The following PAX5 variants were observed in gnomAD, a reference collection of about 807,000 sequenced individuals.
PAX5 encodes paired box 5, also known as paired box protein Pax-5.
PAX5 carries 9 observed loss-of-function variants against 43.7 expected under a neutral mutation model. The observed-to-expected ratio is 0.21, with a 90% CI of 0.12 to 0.36. The LOEUF (loss-of-function observed/expected upper bound fraction) is 0.36, where lower values mean the gene tolerates loss of function less well. Among genes scored for constraint, PAX5 ranks in the 10% least tolerant of loss-of-function variants. The pLI is 1.00. For missense variants in PAX5, 383 were observed against 532.7 expected (o/e 0.72, Z 2.77); for synonymous variants, 228 against 214.3 (o/e 1.06, Z -0.56).
Position 36,891,109 on chromosome 9 carries a change from G to A in PAX5, c.911-9004C>T, listed in dbSNP as rs529616345. ...AGCCGAGATTGCGCCACTGCACTCC[G>A]GCCTGGGCGACAGAGCGCAACTTCA... On this transcript the variant is annotated intron_variant, in intron 7 of 9. Coordinates refer to ENST00000358127, the MANE Select transcript of PAX5 (RefSeq NM_016734.3). Among the ~76,000 whole-genome samples, 122 of 152,232 alleles carry A rather than the reference G, an allele frequency of 8.0e-4. 1 individual carries two copies. The highest frequency in any genetic ancestry group is 1.6e-4 in the Non-Finnish European group (11 of 68,016).
At chr9:36,933,990 A>G (rs976037343) in intron 6 of PAX5, among the ~76,000 whole-genome samples, 1 of 152,094 alleles carries the variant, frequency 6.6e-6, no homozygotes, top group East Asian at 1.9e-4. Context: ...GTTCTCCTTG[A>G]TATGGCCCCA....
intron 8 of PAX5, among the ~76,000 whole-genome samples, chr9:36,847,438 C>T (rs1322911702): frequency 6.6e-6 from 1 of 152,190 alleles, no homozygotes; most frequent in Non-Finnish European, 1.5e-5. Context: ...CCTAGCCTGG[C>T]CCTCTGTGCT....
Position 36,982,961 on chromosome 9 carries a change from T to C in PAX5, c.605-16237A>G, listed in dbSNP as rs75135985. 6.0e-4 allele frequency among the ~76,000 whole-genome samples: 92 copies of C among 152,216 alleles called. No individual in the cohort carries two copies. The East Asian group carries it at 0.017, about 28-fold the overall frequency. On this transcript the variant is annotated intron_variant, in intron 5 of 9. Transcript: ENST00000358127. The stretch of plus-strand genomic sequence containing the variant: ...GGAAATCTATGAATTATTACTAATA[T>C]TGTTATGGGGGAGGAAGTATGGCAT...
At chr9:37,002,118 A>G (rs7020413) in intron 5 of PAX5, among the ~76,000 whole-genome samples, 43,187 of 151,368 alleles carry the variant, frequency 0.29, 6,306 homozygotes, top group Admixed American at 0.34. Context: ...ATGATTATTA[A>G]TTTCCTCAGC....
intron 7 of PAX5, among the ~76,000 whole-genome samples, chr9:36,887,498 A>G (rs1394236339): frequency 6.6e-6 from 1 of 152,226 alleles, no homozygotes; most frequent in Admixed American, 6.5e-5. Context: ...TAAACTACAA[A>G]TAGAACTGAG....
chr9:36,852,494 A>C (rs919410096), intron 8 of PAX5, among the ~76,000 whole-genome samples: 6 of 152,260 alleles, frequency 3.9e-5, no homozygotes, highest in Admixed American at 3.9e-4. Context: ...CCTTCGGAGG[A>C]AAAAAATGAC....
intron 7 of PAX5, among the ~76,000 whole-genome samples, chr9:36,921,492 C>T (rs1345676860): frequency 6.6e-6 from 1 of 152,234 alleles, no homozygotes; most frequent in Non-Finnish European, 1.5e-5. Context: ...TGGCATTCAA[C>T]TGCAACTCCA....
intron 7 of PAX5, among the ~76,000 whole-genome samples, chr9:36,905,731 C>T (rs192105805): frequency 6.6e-6 from 1 of 152,302 alleles, no homozygotes; most frequent in East Asian, 1.9e-4. Flanking sequence ...AAAAGACCCA[C>T]TCTGCAAGGA....
chr9:36,933,804 G>A (rs889618171), intron 6 of PAX5, among the ~76,000 whole-genome samples: 3 of 152,220 alleles, frequency 2.0e-5, no homozygotes, highest in African/African-American at 7.2e-5. Flanking sequence ...GGGGTGGCAA[G>A]GGACCTGGAG....
intron 8 of PAX5, chr9:36,861,501 A>G (rs1378698563): frequency 6.6e-6 from 1 of 150,826 alleles, no homozygotes; most frequent in Non-Finnish European, 1.5e-5. Flanking sequence ...AGACAGAATA[A>G]GAAATATTGG....
At chr9:36,913,759 C>T (rs1587953147) in intron 7 of PAX5, among the ~76,000 whole-genome samples, 2 of 152,272 alleles carry the variant, frequency 1.3e-5, no homozygotes, top group Admixed American at 6.5e-5. Context: ...GATAGAGCAG[C>T]GCAGAAGCCA....
At chr9:37,011,860 C>T (rs1420867755) in intron 3 of PAX5, among the ~76,000 whole-genome samples, 1 of 152,140 alleles carries the variant, frequency 6.6e-6, no homozygotes, top group African/African-American at 2.4e-5. Flanking sequence ...AAGTTGCCTC[C>T]AAGGGAGGCA....
chr9:36,945,838 TTAAAA>T lies in PAX5; in HGVS notation c.780+20706_780+20710del, dbSNP rs555978612. Among the ~76,000 whole-genome samples the T allele has an allele frequency of 1.1e-3, 170 of 152,282 alleles. 1 individual carries two copies. Among genetic ancestry groups the T allele is most frequent in the African/African-American group, 3.9e-3 (163 of 41,562 alleles). ...TTCTTCAGTTTCCTTTTCTGTAAAATTAAAATAAAGTCTCCGCCTCACAGGGCTGT... is the reference window on the plus strand; with the variant it reads ...TTCTTCAGTTTCCTTTTCTGTAAAATTAAAGTCTCCGCCTCACAGGGCTGT... On this transcript the variant is annotated intron_variant, in intron 6 of 9. Coordinates refer to ENST00000358127, the MANE Select transcript of PAX5 (RefSeq NM_016734.3).
At chr9:36,969,822 C>T (rs146532086) in intron 5 of PAX5, among the ~76,000 whole-genome samples, 174 of 152,362 alleles carry the variant, frequency 1.1e-3, no homozygotes, top group South Asian at 3.7e-3. Flanking sequence ...CCCTGTCCCG[C>T]GATTCCCCTC....
intron 6 of PAX5, among the ~76,000 whole-genome samples, chr9:36,956,828 G>T (rs1383794530): frequency 6.6e-6 from 1 of 152,216 alleles, no homozygotes; most frequent in African/African-American, 2.4e-5. Context: ...GAATAAGGGA[G>T]AGTATGGCTG....
intron 1 of PAX5, among the ~76,000 whole-genome samples, chr9:37,022,331 A>G (rs755635362): frequency 7.9e-5 from 12 of 152,274 alleles, no homozygotes; most frequent in Non-Finnish European, 1.6e-4. Flanking sequence ...ACATAATTGC[A>G]TAGTTTTTCT....
At chr9:36,872,621 C>A (rs1267063234) in intron 8 of PAX5, among the ~76,000 whole-genome samples, 1 of 152,162 alleles carries the variant, frequency 6.6e-6, no homozygotes, top group African/African-American at 2.4e-5. Context: ...TTTTGTAATT[C>A]TTTTCTTCCC....
chr9:36,848,425 C>A (rs1822811892), intron 8 of PAX5, among the ~76,000 whole-genome samples: 1 of 150,544 alleles, frequency 6.6e-6, no homozygotes, highest in African/African-American at 2.4e-5. Flanking sequence ...CCACTCCCAG[C>A]CTGACAGGCT....
At position 36,973,189 on chromosome 9, in the gene PAX5, A is replaced by G. The variant is rs1265267823; in HGVS notation, c.605-6465T>C. ...GGAAAGGAAAGGAAAGGAAAGGAAAAACTGTGAAAATAACTCCCAGATCCC... is the reference window on the plus strand; with the variant it reads ...GGAAAGGAAAGGAAAGGAAAGGAAAGACTGTGAAAATAACTCCCAGATCCC... On this transcript the variant is annotated intron_variant, in intron 5 of 9. Transcript: ENST00000358127. 7.4e-5 allele frequency among the ~76,000 whole-genome samples: 10 copies of G among 135,038 alleles called. No individual in the cohort carries two copies. The East Asian group carries it at 1.9e-3, about 26-fold the overall frequency. 88.6% of individuals were successfully genotyped at this position (135,038 alleles called of 152,430 possible). A position where few individuals can be genotyped will look rare whatever the true frequency, so the allele number is the denominator to read the frequency against.
Sources: gnomAD v4.1 joint callset for allele counts (sites outside exome capture counted in the v4.1 genomes callset) on GRCh38, gnomAD v4.1.1 for gene constraint, MANE v1.5 for transcripts, NCBI Gene and HGNC (gene_info 2026-07-23, HGNC 2026-07-21) for gene names.